The following CCKBR variants were observed in gnomAD, a reference collection of about 807,000 sequenced individuals.
CCKBR encodes cholecystokinin B receptor.
A neutral mutation model predicts 34.6 loss-of-function variants in CCKBR; 33 were observed. The ratio of observed to expected loss-of-function variants is 0.95; its 90% CI spans 0.72 to 1.27. The LOEUF (loss-of-function observed/expected upper bound fraction) is 1.27, where lower values mean the gene tolerates loss of function less well. CCKBR is among the 50% of genes most tolerant of loss of function. The pLI, the probability that CCKBR is intolerant of heterozygous loss-of-function variation, is 0.00. For synonymous variants in CCKBR, 269 were observed against 267.5 expected, an observed-to-expected ratio of 1.01 and a Z score of -0.06; for missense variants, 652 against 617.4, an observed-to-expected ratio of 1.06 and a Z score of -0.59.
In CCKBR at chr11:6,261,454, A is replaced by AAAATATATATAT. The variant is rs1447691939; in HGVS notation, c.151+1376_151+1377insAATATATATATA. Reference sequence around the variant, plus strand: ...GTTGGCAAAAAAAAAAAAAAAAAAAAATATATATACACACACACACACACA... The same window carrying AAAATATATATAT: ...GTTGGCAAAAAAAAAAAAAAAAAAAAAAATATATATATATATATATACACACACACACACACA... On this transcript the variant is annotated intron_variant, in intron 1 of 4. Coordinates refer to ENST00000334619, the MANE Select transcript of CCKBR (RefSeq NM_176875.4). 9.9e-5 allele frequency among the ~76,000 whole-genome samples: 6 copies of AAAATATATATAT among 60,880 alleles called. 1 individual carries two copies. Among genetic ancestry groups the AAAATATATATAT allele is most frequent in the South Asian group, 1.4e-3 (2 of 1,430 alleles). 39.9% of individuals were successfully genotyped at this position (60,880 alleles called of 152,430 possible). A position where few individuals can be genotyped will look rare whatever the true frequency, so the allele number is the denominator to read the frequency against.
At chr11:6,270,064 C>T in intron 2 of CCKBR, 24 bp from the exon 3 acceptor site, 1 of 1,591,600 alleles carries the variant, frequency 6.3e-7, no homozygotes, top group Non-Finnish European at 8.6e-7. Context: ...TAGGTGACTC[C>T]TTCCTTTCTC....
intron 1 of CCKBR, among the ~76,000 whole-genome samples, chr11:6,269,053 C>T (rs1848248999): frequency 6.8e-6 from 1 of 147,610 alleles, no homozygotes; most frequent in Non-Finnish European, 1.5e-5. Flanking sequence ...GCTTAAATGC[C>T]TGCTGTACAG....
chr11:6,263,309 C>A (rs1228883640), intron 1 of CCKBR, among the ~76,000 whole-genome samples: 2 of 152,190 alleles, frequency 1.3e-5, no homozygotes, highest in Non-Finnish European at 2.9e-5. Context: ...TATCCACACA[C>A]AACCAGATAT....
chr11:6,271,471 C>T lies in CCKBR; in HGVS notation c.1272C>T (p.Asp424=). The change falls in exon 5 of 5, where the codon GAC becomes GAT. Residue 424 remains aspartate (D), a synonymous_variant. Transcript: ENST00000334619. ...RARPRALPDE[D]PPTPSIASLS... is the part of the protein sequence containing the mutation. ...GCCCCAGGGCTCTTCCCGATGAGGA[C>T]CCTCCCACTCCCTCCATTGCTTCGC... 3 of 1,612,668 alleles carry T rather than the reference C, an allele frequency of 1.9e-6. No homozygotes were observed. Among genetic ancestry groups the T allele is most frequent in the East Asian group, 2.2e-5 (1 of 44,868 alleles).
chr11:6,266,698 T>C (rs11040833), intron 1 of CCKBR, among the ~76,000 whole-genome samples: 26,893 of 152,088 alleles, frequency 0.18, 2,464 homozygotes, highest in Middle Eastern at 0.32. Context: ...ATAAATAGCA[T>C]TTATTTGATG....
At chr11:6,270,600 T>C in intron 3 of CCKBR, 46 bp from the exon 4 acceptor site, 1 of 1,545,576 alleles carries the variant, frequency 6.5e-7, no homozygotes, top group South Asian at 1.2e-5. Flanking sequence ...CCATCTGTGA[T>C]TACAGCTGGA....
At chr11:6,269,146 AAGTAT>A (rs1848251975) in intron 1 of CCKBR, among the ~76,000 whole-genome samples, 20 of 143,158 alleles carry the variant, frequency 1.4e-4, no homozygotes, top group African/African-American at 5.2e-4. Flanking sequence ...AGAGTAAGTG[AAGTAT>A]TTTTTTTTTT....
chr11:6,266,424 G>C (rs551415934), intron 1 of CCKBR, among the ~76,000 whole-genome samples: 1 of 152,190 alleles, frequency 6.6e-6, no homozygotes, highest in Admixed American at 6.5e-5. Flanking sequence ...AGGAGGCAAA[G>C]GTTGCGGTGA....
At chr11:6,267,047 C>A (rs951254140) in intron 1 of CCKBR, among the ~76,000 whole-genome samples, 3 of 152,104 alleles carry the variant, frequency 2.0e-5, no homozygotes, top group Non-Finnish European at 4.4e-5. Context: ...GTATAGGGCA[C>A]GTACCGTTAA....
At chr11:6,270,608 G>A in intron 3 of CCKBR, 38 bp from the exon 4 acceptor site, 1 of 1,557,328 alleles carries the variant, frequency 6.4e-7, no homozygotes, top group Non-Finnish European at 8.7e-7. Flanking sequence ...GATTACAGCT[G>A]GACAGAAACC....
chr11:6,261,462 T>TACACACACACACACACAC (rs60678871), intron 1 of CCKBR, among the ~76,000 whole-genome samples: 7 of 63,980 alleles, frequency 1.1e-4, no homozygotes, highest in African/African-American at 4.2e-4. Flanking sequence ...AAAATATATA[T>TACACACACACACACACAC]ACACACACAC....
intron 1 of CCKBR, among the ~76,000 whole-genome samples, chr11:6,267,108 G>A (rs1288333197): frequency 6.6e-6 from 1 of 152,180 alleles, no homozygotes; most frequent in African/African-American, 2.4e-5. Flanking sequence ...GATGAGTGGT[G>A]AGTGAAAGTA....
chr11:6,269,590 T>C, intron 1 of CCKBR, 79 bp from the exon 2 acceptor site: 1 of 1,527,138 alleles, frequency 6.5e-7, no homozygotes, highest in South Asian at 1.2e-5. Context: ...TAGTGAGGGT[T>C]GGGGATAAGA....
chr11:6,263,058 C>T (rs1381433124), intron 1 of CCKBR, among the ~76,000 whole-genome samples: 1 of 152,232 alleles, frequency 6.6e-6, no homozygotes, highest in Non-Finnish European at 1.5e-5. Context: ...GTCAGCCACA[C>T]TCATTCAGAT....
Position 6,270,818 on chromosome 11 carries a change from C to T in CCKBR, c.811+15C>T, listed in dbSNP as rs1431357237. 1.2e-6 allele frequency: 2 copies of T among 1,613,998 alleles called. No individual in the cohort carries two copies. Among genetic ancestry groups the T allele is most frequent in the African/African-American group, 2.7e-5 (2 of 75,040 alleles). The stretch of plus-strand genomic sequence containing the variant: ...CGGGCTGCCAGGTGGGGCTGGACCA[C>T]GTGAGCAAAATCTGGGCGAGGCGGA... On this transcript the variant is annotated intron_variant, in intron 4 of 4. Coordinates refer to ENST00000334619, the MANE Select transcript of CCKBR (RefSeq NM_176875.4).
chr11:6,261,852 TA>T (rs1196767180), intron 1 of CCKBR, among the ~76,000 whole-genome samples: 1 of 152,196 alleles, frequency 6.6e-6, no homozygotes, highest in Non-Finnish European at 1.5e-5. Context: ...TTTACAAGGT[TA>T]CTATATTACA....
rs1389460447 is a variant in CCKBR at position 6,271,403 on chromosome 11, C to G, written c.1204C>G (p.Leu402Val). ...GCACCGTCGCTTTCGCCAGGCCTGC[C>G]TGGAAACTTGCGCTCGCTGCTGCCC... ...FMHRRFRQAC[L>V]ETCARCCPRP... Residue 402 changes from leucine (L) to valine (V), a missense_variant, in exon 5 of 5, where the codon CTG (leucine) becomes GTG (valine). By Grantham distance (32) the Leu-to-Val change is conservative (BLOSUM62 1). Transcript: ENST00000334619. 6.2e-7 allele frequency: 1 copy of G among 1,613,914 alleles called. No individual in the cohort carries two copies. Among genetic ancestry groups the G allele is most frequent in the Non-Finnish European group, 8.5e-7 (1 of 1,180,048 alleles).
rs778323050 is a variant in CCKBR at position 6,270,338 on chromosome 11, G to C, written c.653+1G>C. 6.2e-7 allele frequency: 1 copy of C among 1,609,496 alleles called. No homozygotes were observed. The highest frequency in any genetic ancestry group is 1.3e-5 in the African/African-American group (1 of 74,884). ...CCAGTGCGCGGGTCCGCCAGACCTG[G>C]TGAGCTTGCCCATAAACTATCCTAG... On this transcript the variant is annotated splice_donor_variant, in intron 3 of 4. Transcript: ENST00000334619. LOFTEE classifies it high-confidence loss of function.
At position 6,271,609 on chromosome 11, in the gene CCKBR, A is replaced by AAAACAC; in HGVS notation, c.*68_*69insACACAA. On this transcript the variant is annotated 3_prime_UTR_variant, in exon 5 of 5. Coordinates refer to ENST00000334619, the MANE Select transcript of CCKBR (RefSeq NM_176875.4). Reference sequence around the variant, plus strand: ...ATGCACTGACCCTTCCAGACATACGAAACACAAACCACAACTGACACAGGA... The same window carrying AAAACAC: ...ATGCACTGACCCTTCCAGACATACGAAAACACAACACAAACCACAACTGACACAGGA... 1 of 1,431,800 alleles carries AAAACAC rather than the reference A, an allele frequency of 7.0e-7. No homozygotes were observed. The highest frequency in any genetic ancestry group is 9.3e-7 in the Non-Finnish European group (1 of 1,073,852). The allele number at this position is 1,431,800 out of a possible 1,614,324, so 88.7% of individuals were successfully genotyped here. A position where few individuals can be genotyped will look rare whatever the true frequency, so the allele number is the denominator to read the frequency against.
Sources: allele counts gnomAD v4.1 joint callset (sites outside exome capture counted in the v4.1 genomes callset), GRCh38; gene constraint gnomAD v4.1.1; transcripts MANE v1.5; gene names NCBI Gene and HGNC (gene_info 2026-07-23, HGNC 2026-07-21).